The following TSPEAR variants were observed in gnomAD, a reference collection of about 807,000 sequenced individuals.
TSPEAR encodes thrombospondin type laminin G domain and EAR repeats, also known as thrombospondin-type laminin G domain and EAR repeat-containing protein.
Under a neutral mutation model 71.6 loss-of-function variants are expected in TSPEAR, and 69 were observed. The observed-to-expected ratio is 0.96, with a 90% CI of 0.79 to 1.18. The LOEUF (loss-of-function observed/expected upper bound fraction) is 1.18, where lower values mean the gene tolerates loss of function less well. Among genes scored for constraint, TSPEAR ranks in the 50% most tolerant of loss-of-function variants. TSPEAR has a pLI of 0.00. For missense variants in TSPEAR, 971 were observed against 894.9 expected (o/e 1.09, Z -1.09); for synonymous variants, 402 against 387.2 (o/e 1.04, Z -0.45).
intron 1 of TSPEAR, among the ~76,000 whole-genome samples, chr21:44,633,344 G>GT (rs1286659960): frequency 2.0e-5 from 3 of 151,892 alleles, no homozygotes; most frequent in Non-Finnish European, 4.4e-5. Context: ...GATCTTTCTT[G>GT]TTTTTTAATA....
At chr21:44,515,995 G>A (rs1410624199) in intron 9 of TSPEAR, 1 of 152,266 alleles carries the variant, frequency 6.6e-6, no homozygotes, top group Non-Finnish European at 1.5e-5. Flanking sequence ...GGCGATTCAT[G>A]TGGACACAGG....
chr21:44,649,694 T>TTC (rs2146246535), intron 1 of TSPEAR, among the ~76,000 whole-genome samples: 1 of 152,270 alleles, frequency 6.6e-6, no homozygotes, highest in East Asian at 1.9e-4. Flanking sequence ...CTGCAATAGC[T>TTC]TCAATGCCTG....
intron 9 of TSPEAR, among the ~76,000 whole-genome samples, chr21:44,516,940 C>T (rs1256019649): frequency 6.6e-6 from 1 of 152,228 alleles, no homozygotes; most frequent in African/African-American, 2.4e-5. Flanking sequence ...TCCCATCTTC[C>T]CATCGCAGGA....
At chr21:44,610,805 G>T (rs889742168) in intron 1 of TSPEAR, among the ~76,000 whole-genome samples, 3 of 152,196 alleles carry the variant, frequency 2.0e-5, no homozygotes, top group Non-Finnish European at 4.4e-5. Flanking sequence ...GGGTGGAGCT[G>T]TCCGAGACCA....
At chr21:44,601,845 T>A (rs1409032671) in intron 1 of TSPEAR, 1 of 1,420,118 alleles carries the variant, frequency 7.0e-7, no homozygotes, top group Non-Finnish European at 9.4e-7. Flanking sequence ...GCAGTGGACG[T>A]CAGTGGTCAG....
chr21:44,684,627 G>A (rs530338143), intron 1 of TSPEAR, among the ~76,000 whole-genome samples: 5 of 152,234 alleles, frequency 3.3e-5, no homozygotes, highest in Admixed American at 6.5e-5. Flanking sequence ...TGCAGGCAAC[G>A]TGGACAGATG....
rs57832404 is a variant in TSPEAR at position 44,525,064 on chromosome 21, TAGTC to T, written c.1336+585_1336+588del. On this transcript the variant is annotated intron_variant, in intron 8 of 11. Coordinates refer to ENST00000323084, the MANE Select transcript of TSPEAR (RefSeq NM_144991.3). ...TCAGTCAGTCAGGTAGTTAGTCAGA[TAGTC>T]AGTCAGTTAGCCAGTCAGCTAGTCA... 2.2e-3 allele frequency among the ~76,000 whole-genome samples: 339 copies of T among 151,430 alleles called. 3 individuals are homozygous for T. The highest frequency in any genetic ancestry group is 6.7e-3 in the African/African-American group (278 of 41,200).
At chr21:44,627,818 A>C in intron 1 of TSPEAR, 1 of 1,611,040 alleles carries the variant, frequency 6.2e-7, no homozygotes. Context: ...TCTGGCTGCC[A>C]GCCGGCTTGC....
intron 1 of TSPEAR, among the ~76,000 whole-genome samples, chr21:44,667,732 G>T (rs1224743815): frequency 1.3e-5 from 2 of 152,184 alleles, no homozygotes; most frequent in Non-Finnish European, 2.9e-5. Context: ...GTACTGCAGG[G>T]ACAGTAGAAT....
intron 1 of TSPEAR, among the ~76,000 whole-genome samples, chr21:44,704,354 A>G (rs1555951980): frequency 6.6e-6 from 1 of 151,930 alleles, no homozygotes; most frequent in African/African-American, 2.4e-5. Flanking sequence ...GTAGCCTGTC[A>G]GTCCAGACTT....
chr21:44,707,083 T>C (rs555431477), intron 1 of TSPEAR, among the ~76,000 whole-genome samples: 21 of 152,258 alleles, frequency 1.4e-4, no homozygotes, highest in African/African-American at 5.1e-4. Context: ...TCCCGTGGGG[T>C]CGCCTCCATT....
chr21:44,711,440 G>A lies in TSPEAR; in HGVS notation c.75C>T (p.Pro25=). The change falls in exon 1 of 12, where the codon CCC becomes CCT. Residue 25 remains proline, a synonymous_variant. Transcript: ENST00000323084. The surrounding 1 kb of genome is among the most constrained non-coding windows in gnomAD (Gnocchi z 4.5). ...CCCATGCCCCTGCCTTACCTGTGCA[G>A]GGCTCCCAACCCTGCGTGCCGTGGC... ...APGHGTQGWE[P]CTDLRPLDIL... 6.2e-7 allele frequency: 1 copy of A among 1,604,652 alleles called. No homozygotes were observed. Among genetic ancestry groups the A allele is most frequent in the Middle Eastern group, 1.7e-4 (1 of 6,042 alleles).
intron 1 of TSPEAR, among the ~76,000 whole-genome samples, chr21:44,689,807 T>C (rs2146310831): frequency 6.8e-6 from 1 of 146,430 alleles, no homozygotes; most frequent in South Asian, 2.2e-4. Flanking sequence ...GTCTGCAAGC[T>C]GAGGAGCAAA....
chr21:44,678,929 G>A (rs1167312315), intron 1 of TSPEAR, among the ~76,000 whole-genome samples: 2 of 152,198 alleles, frequency 1.3e-5, no homozygotes, highest in Non-Finnish European at 2.9e-5. Context: ...TAGTTAACCT[G>A]TTCTGGGAAG....
chr21:44,625,852 C>G (rs1982739873), intron 1 of TSPEAR, among the ~76,000 whole-genome samples: 1 of 152,216 alleles, frequency 6.6e-6, no homozygotes, highest in African/African-American at 2.4e-5. Context: ...GAGACACCCC[C>G]AGGGACAGTA....
chr21:44,707,307 G>GGGT (rs1555952627), intron 1 of TSPEAR, among the ~76,000 whole-genome samples: 1 of 152,022 alleles, frequency 6.6e-6, no homozygotes, highest in Non-Finnish European at 1.5e-5. Flanking sequence ...CGGGGTGGGG[G>GGGT]GGGGTGCGGG....
intron 1 of TSPEAR, among the ~76,000 whole-genome samples, chr21:44,645,521 T>G (rs1298714886): frequency 1.3e-5 from 2 of 151,770 alleles, no homozygotes; most frequent in African/African-American, 4.8e-5. Context: ...CCTGGCTAAT[T>G]TTTTGTATTT....
chr21:44,529,769 G>C, intron 5 of TSPEAR, 29 bp downstream of exon 5: 2 of 1,612,818 alleles, frequency 1.2e-6, no homozygotes, highest in Non-Finnish European at 1.7e-6. Flanking sequence ...TCTGCCTTTG[G>C]TGTGGGGGCG....
intron 1 of TSPEAR, chr21:44,580,706 G>C (rs190344097): frequency 2.0e-6 from 2 of 1,015,020 alleles, no homozygotes; most frequent in African/African-American, 1.6e-5. Flanking sequence ...CCTCCCTGGC[G>C]TGTGTTGTCC....
Sources: gnomAD v4.1 joint callset for allele counts (sites outside exome capture counted in the v4.1 genomes callset) on GRCh38, gnomAD v4.1.1 for gene constraint, Gnocchi (gnomAD v3.1) non-coding constraint, MANE v1.5 for transcripts, NCBI Gene and HGNC (gene_info 2026-07-23, HGNC 2026-07-21) for gene names.